The following OPCML variants were observed in gnomAD, a reference collection of about 807,000 sequenced individuals.
The protein encoded by OPCML is opioid-binding protein/cell adhesion molecule.
OPCML carries 13 observed loss-of-function variants against 37.8 expected under a neutral mutation model. The observed-to-expected ratio is 0.34, with a 90% CI of 0.22 to 0.55. The LOEUF is 0.55. Ranked by LOEUF, OPCML falls within the 20% of genes least tolerant of loss-of-function variation. The probability of loss-of-function intolerance (pLI) is 0.91; values close to 1 mark genes in which losing one functional copy is unlikely to be tolerated. For synonymous variants in OPCML, 176 were observed against 168.8 expected, an observed-to-expected ratio of 1.04 and a Z score of -0.33; for missense variants, 341 against 435.6, an observed-to-expected ratio of 0.78 and a Z score of 1.93.
At chr11:132,901,545 G>C (rs1021930961) in intron 2 of OPCML, among the ~76,000 whole-genome samples, 4 of 152,164 alleles carry the variant, frequency 2.6e-5, no homozygotes, top group Admixed American at 2.6e-4. Context: ...ACGATGACAT[G>C]GAGGCAGGAT....
At chr11:132,669,542 T>C (rs1420285391) in intron 2 of OPCML, among the ~76,000 whole-genome samples, 1 of 152,150 alleles carries the variant, frequency 6.6e-6, no homozygotes, top group African/African-American at 2.4e-5. Context: ...TTTTAGCAAA[T>C]GGTATCTCCA....
chr11:132,548,599 C>T (rs148272959), intron 3 of OPCML, among the ~76,000 whole-genome samples: 25 of 152,260 alleles, frequency 1.6e-4, no homozygotes, highest in East Asian at 1.5e-3. Flanking sequence ...GCAGAGCCAG[C>T]GAGGAATAAG....
At chr11:133,430,263 A>C (rs1359677112) in intron 1 of OPCML, among the ~76,000 whole-genome samples, 1 of 152,204 alleles carries the variant, frequency 6.6e-6, no homozygotes. Flanking sequence ...GGTTTTAAAA[A>C]AAGAGGAAAG....
Position 133,512,061 on chromosome 11 carries a change from T to A in OPCML, c.61+20203A>T, listed in dbSNP as rs144358398. Among the ~76,000 whole-genome samples the A allele has an allele frequency of 1.1e-4, 16 of 152,344 alleles. No homozygotes were observed. In the East Asian group the frequency reaches 3.1e-3, roughly 29 times the overall value. On this transcript the variant is annotated intron_variant, in intron 1 of 7. Transcript: ENST00000524381. Reference sequence around the variant, plus strand: ...CCTCGCACACTAAGCAATTTTCTGATGAACACCAGCTGGGTGTTCCAAGAG... The same window carrying A: ...CCTCGCACACTAAGCAATTTTCTGAAGAACACCAGCTGGGTGTTCCAAGAG...
chr11:133,454,329 C>G (rs1003304962), intron 1 of OPCML, among the ~76,000 whole-genome samples: 1 of 152,164 alleles, frequency 6.6e-6, no homozygotes, highest in Non-Finnish European at 1.5e-5. Context: ...TATTAAAGAC[C>G]AGTCTGTCAC....
In OPCML at chr11:133,206,737, C is replaced by T. The variant is rs569573169; in HGVS notation, c.62-263727G>A. ...TGTTTACCAGCTGTGACCCACTGGT[C>T]TAAAATGGAAACAAGAAATGCACTG... On this transcript the variant is annotated intron_variant, in intron 1 of 7. Coordinates refer to ENST00000524381, the MANE Select transcript of OPCML (RefSeq NM_001012393.5). The surrounding 1 kb of genome is among the most constrained non-coding windows in gnomAD (Gnocchi z 4.7). Among the ~76,000 whole-genome samples, 1 of 152,272 alleles carries T rather than the reference C, an allele frequency of 6.6e-6. No homozygotes were observed. Among genetic ancestry groups the T allele is most frequent in the African/African-American group, 2.4e-5 (1 of 41,552 alleles).
intron 1 of OPCML, among the ~76,000 whole-genome samples, chr11:133,410,619 C>T (rs1167793391): frequency 1.3e-5 from 1 of 75,162 alleles, no homozygotes; most frequent in Non-Finnish European, 2.4e-5. Context: ...TGAAAGCACA[C>T]GTTAAGAAAA....
At chr11:133,478,335 C>T (rs1304819326) in intron 1 of OPCML, among the ~76,000 whole-genome samples, 4 of 152,182 alleles carry the variant, frequency 2.6e-5, no homozygotes, top group Non-Finnish European at 5.9e-5. Context: ...CAGAGAAGTT[C>T]CCCAGTCCAT....
intron 2 of OPCML, among the ~76,000 whole-genome samples, chr11:132,804,214 C>T (rs546563466): frequency 5.9e-5 from 9 of 152,208 alleles, no homozygotes; most frequent in African/African-American, 2.2e-4. Context: ...CAAGGTGAGC[C>T]CCACAATTCG....
chr11:132,798,709 G>A (rs534124133), intron 2 of OPCML, among the ~76,000 whole-genome samples: 1 of 152,166 alleles, frequency 6.6e-6, no homozygotes, highest in African/African-American at 2.4e-5. Flanking sequence ...TTCTTTATGG[G>A]ATCTAGCAAG....
At chr11:132,451,625 G>T (rs1217773432) in intron 4 of OPCML, among the ~76,000 whole-genome samples, 1 of 152,168 alleles carries the variant, frequency 6.6e-6, no homozygotes, top group Non-Finnish European at 1.5e-5. Flanking sequence ...GGGGATGCCA[G>T]GACTCTGCAC....
chr11:132,813,474 C>T (rs1236547129), intron 2 of OPCML, among the ~76,000 whole-genome samples: 1 of 152,170 alleles, frequency 6.6e-6, no homozygotes, highest in East Asian at 1.9e-4. Flanking sequence ...GCATGATGGA[C>T]ACTACCAATG....
intron 1 of OPCML, chr11:133,008,953 T>G: frequency 1.0e-6 from 1 of 985,430 alleles, no homozygotes; most frequent in Non-Finnish European, 1.2e-6. Flanking sequence ...CTGAGCAATT[T>G]TCTACATTAC....
intron 1 of OPCML, among the ~76,000 whole-genome samples, chr11:132,955,221 AT>A (rs1006727375): frequency 6.6e-6 from 1 of 151,992 alleles, no homozygotes; most frequent in Non-Finnish European, 1.5e-5. Flanking sequence ...AGTCCTGAAT[AT>A]TTTTTTAATG....
At chr11:133,506,107 A>G (rs1271218974) in intron 1 of OPCML, among the ~76,000 whole-genome samples, 1 of 152,174 alleles carries the variant, frequency 6.6e-6, no homozygotes, top group Non-Finnish European at 1.5e-5. Flanking sequence ...GTCCCTCTCC[A>G]TCAGTAGCAC....
intron 2 of OPCML, among the ~76,000 whole-genome samples, chr11:132,666,068 A>C (rs944609574): frequency 4.6e-5 from 7 of 152,228 alleles, no homozygotes; most frequent in African/African-American, 1.4e-4. Context: ...TGAGGTAGCA[A>C]TATGCAATAC....
chr11:132,885,065 C>T (rs2136441118), intron 2 of OPCML, among the ~76,000 whole-genome samples: 1 of 152,296 alleles, frequency 6.6e-6, no homozygotes, highest in East Asian at 1.9e-4. Context: ...TCCTCCACTC[C>T]CTCTTCCACC....
intron 4 of OPCML, among the ~76,000 whole-genome samples, chr11:132,491,698 C>A (rs142238050): frequency 6.6e-6 from 1 of 152,298 alleles, no homozygotes; most frequent in East Asian, 1.9e-4. Context: ...TTGAGCGAGG[C>A]ACTGTTCTAG....
At chr11:133,076,115 C>G (rs2137019808) in intron 1 of OPCML, among the ~76,000 whole-genome samples, 1 of 152,096 alleles carries the variant, frequency 6.6e-6, no homozygotes, top group South Asian at 2.1e-4. Context: ...ATATAAAAAT[C>G]TGTACACTTT....
Sources: gnomAD v4.1 joint callset for allele counts (sites outside exome capture counted in the v4.1 genomes callset) on GRCh38, gnomAD v4.1.1 for gene constraint, Gnocchi (gnomAD v3.1) non-coding constraint, MANE v1.5 for transcripts, NCBI Gene and HGNC (gene_info 2026-07-23, HGNC 2026-07-21) for gene names.